The following PPP4R3A variants were observed in gnomAD, a reference collection of about 807,000 sequenced individuals.
PPP4R3A encodes the protein protein phosphatase 4 regulatory subunit 3A, also known as serine/threonine-protein phosphatase 4 regulatory subunit 3A.
PPP4R3A carries 15 observed loss-of-function variants against 91.7 expected under a neutral mutation model. The observed-to-expected ratio is 0.16, with a 90% CI of 0.11 to 0.25. The LOEUF (loss-of-function observed/expected upper bound fraction) is 0.25. Ranked by LOEUF, PPP4R3A falls within the 10% of genes least tolerant of loss-of-function variation. The pLI, the probability that PPP4R3A is intolerant of heterozygous loss-of-function variation, is 1.00. For missense variants in PPP4R3A, 623 were observed against 998.4 expected (o/e 0.62, Z 5.07); for synonymous variants, 377 against 348.7 (o/e 1.08, Z -0.91).
At chr14:91,476,573 T>C (rs779754267) in intron 5 of PPP4R3A, 49 bp from the exon 6 acceptor site, 51 of 1,322,132 alleles carry the variant, frequency 3.9e-5, no homozygotes, top group Non-Finnish European at 5.2e-5. Context: ...ATTTTATTTA[T>C]TTATTTATTG....
intron 1 of PPP4R3A, among the ~76,000 whole-genome samples, chr14:91,498,721 T>C (rs1042241148): frequency 6.6e-6 from 1 of 151,662 alleles, no homozygotes; most frequent in Admixed American, 6.6e-5. Context: ...GAGACCATCC[T>C]GGCTAACACG....
intron 12 of PPP4R3A, 28 bp from the exon 13 acceptor site, chr14:91,462,267 C>A (rs765539829): frequency 1.3e-6 from 2 of 1,533,128 alleles, no homozygotes; most frequent in South Asian, 2.6e-5. Context: ...AGAGTAAATA[C>A]AATCATATAT....
Position 91,509,471 on chromosome 14 carries a change from G to A in PPP4R3A, c.142+35C>T, listed in dbSNP as rs1480365531. On this transcript the variant is annotated intron_variant, in intron 1 of 14. Transcript: ENST00000554943. ...AGGGAGGCGGCCCAGGGCCGTGGGGGCTGCGAGGGTCCCGCCGCGCGGGGC... is the reference window on the plus strand; with the variant it reads ...AGGGAGGCGGCCCAGGGCCGTGGGGACTGCGAGGGTCCCGCCGCGCGGGGC... The A allele has an allele frequency of 1.9e-6, 3 of 1,556,990 alleles. No homozygotes were observed. The South Asian group carries it at 3.5e-5, about 18-fold the overall frequency.
chr14:91,458,942 GA>G, intron 14 of PPP4R3A, 73 bp from the exon 15 acceptor site: 1 of 1,478,094 alleles, frequency 6.8e-7, no homozygotes, highest in Non-Finnish European at 9.0e-7. Context: ...TCTGGCTGGA[GA>G]AAGAAAATAG....
chr14:91,461,956 C>G, intron 13 of PPP4R3A, 93 bp downstream of exon 13: 1 of 1,417,178 alleles, frequency 7.1e-7, no homozygotes, highest in Non-Finnish European at 9.2e-7. Context: ...TGCCATCACA[C>G]CTTCCAAGCA....
At chr14:91,461,243 TG>T (rs923861502) in intron 14 of PPP4R3A, 137 bp downstream of exon 14, 20 of 729,472 alleles carry the variant, frequency 2.7e-5, no homozygotes, top group South Asian at 4.2e-5. Flanking sequence ...GTTCAAGCGG[TG>T]GGGGGGACTC....
chr14:91,507,569 T>G (rs1387925794), intron 1 of PPP4R3A, among the ~76,000 whole-genome samples: 2 of 127,104 alleles, frequency 1.6e-5, no homozygotes, highest in South Asian at 2.5e-4. Context: ...ATACTATATA[T>G]TATACATACT....
chr14:91,481,896 T>A lies in PPP4R3A; in HGVS notation c.595A>T (p.Ile199Phe). 1.2e-6 allele frequency: 2 copies of A among 1,614,100 alleles called. No individual in the cohort carries two copies. Among genetic ancestry groups the A allele is most frequent in the Non-Finnish European group, 1.7e-6 (2 of 1,180,022 alleles). ...AGAGCAGTTCGATTCAAGAGAAAGATGCCTTTGATAATTTCATACAAGTGG... is the reference window on the plus strand; with the variant it reads ...AGAGCAGTTCGATTCAAGAGAAAGAAGCCTTTGATAATTTCATACAAGTGG... ...LHHLYEIIKG[I>F]FLLNRTALFE... The change falls in exon 4 of 15, where the codon ATC (isoleucine) becomes TTC (phenylalanine). Residue 199 changes from isoleucine (I) to phenylalanine (F), a missense_variant. By Grantham distance (21) the Ile-to-Phe change is conservative. Transcript: ENST00000554943.
intron 1 of PPP4R3A, among the ~76,000 whole-genome samples, 182 bp from the exon 2 acceptor site, chr14:91,490,984 C>T (rs189830858): frequency 8.6e-5 from 13 of 150,928 alleles, no homozygotes; most frequent in Admixed American, 3.3e-4. Flanking sequence ...CAGCTCACTG[C>T]AACCTCCGCC....
At position 91,476,316 on chromosome 14, in the gene PPP4R3A, T is replaced by C. The variant is rs1342149596; in HGVS notation, c.1110+92A>G. 3.1e-6 allele frequency: 3 copies of C among 976,118 alleles called. No individual in the cohort carries two copies. The African/African-American group carries it at 5.0e-5, about 16-fold the overall frequency. The allele number at this position is 976,118 out of a possible 1,614,324, so 60.5% of individuals were successfully genotyped here. A position where few individuals can be genotyped will look rare whatever the true frequency, so the allele number is the denominator to read the frequency against. On this transcript the variant is annotated intron_variant, in intron 6 of 14. Transcript: ENST00000554943. ...TGAACTACGCAGCTAATTTCAAATA[T>C]TGGCTATAATAGAATATTTGCATGT...
intron 1 of PPP4R3A, among the ~76,000 whole-genome samples, chr14:91,493,169 G>A (rs560890749): frequency 1.3e-5 from 2 of 152,182 alleles, no homozygotes; most frequent in African/African-American, 4.8e-5. Context: ...TGGGCAGATC[G>A]CTTGAGGTCA....
Position 91,501,627 on chromosome 14 carries a change from G to C in PPP4R3A, c.142+7879C>G, listed in dbSNP as rs550811396. Among the ~76,000 whole-genome samples the C allele has an allele frequency of 6.5e-4, 99 of 151,844 alleles. 2 individuals carry two copies. The South Asian group carries it at 0.021, about 32-fold the overall frequency. On this transcript the variant is annotated intron_variant, in intron 1 of 14. Coordinates refer to ENST00000554943, the MANE Select transcript of PPP4R3A (RefSeq NM_001366432.2). ...GCCCTGATCACTGCACTCCAGCCTGGACAAAAGAGTGAGATCCCGCCTCAA... is the reference window on the plus strand; with the variant it reads ...GCCCTGATCACTGCACTCCAGCCTGCACAAAAGAGTGAGATCCCGCCTCAA...
chr14:91,507,466 TTA>T (rs1891437382), intron 1 of PPP4R3A, among the ~76,000 whole-genome samples: 3 of 131,442 alleles, frequency 2.3e-5, no homozygotes, highest in Admixed American at 8.1e-5. Flanking sequence ...TATACTATAA[TTA>T]TATATACTAT....
chr14:91,506,319 G>A (rs975269709), intron 1 of PPP4R3A, among the ~76,000 whole-genome samples: 2 of 152,172 alleles, frequency 1.3e-5, no homozygotes, highest in African/African-American at 4.8e-5. Context: ...AGCAGCAAAT[G>A]CAAGTAGACA....
At chr14:91,489,944 T>TAAAA (rs1890136902) in intron 2 of PPP4R3A, among the ~76,000 whole-genome samples, 1 of 152,254 alleles carries the variant, frequency 6.6e-6, no homozygotes, top group South Asian at 2.1e-4. Flanking sequence ...ATGGGAAAAA[T>TAAAA]AAAAACAATA....
chr14:91,472,975 A>G, intron 9 of PPP4R3A, 58 bp downstream of exon 9: 1 of 1,522,146 alleles, frequency 6.6e-7, no homozygotes, highest in Non-Finnish European at 9.0e-7. Flanking sequence ...ACTTAACACC[A>G]ACTTTGAATT....
chr14:91,488,610 A>G (rs532593285), intron 2 of PPP4R3A, among the ~76,000 whole-genome samples: 1 of 152,342 alleles, frequency 6.6e-6, no homozygotes, highest in South Asian at 2.1e-4. Context: ...CAGTTAATCT[A>G]TAATTCTGGC....
intron 1 of PPP4R3A, among the ~76,000 whole-genome samples, chr14:91,500,726 T>C (rs1890896089): frequency 6.6e-6 from 1 of 152,148 alleles, no homozygotes; most frequent in African/African-American, 2.4e-5. Flanking sequence ...TACTGACTTT[T>C]AAAACTTATG....
intron 4 of PPP4R3A, 68 bp from the exon 5 acceptor site, chr14:91,477,054 G>A: frequency 1.6e-6 from 2 of 1,228,046 alleles, no homozygotes; most frequent in East Asian, 2.6e-5. Flanking sequence ...TTTCAGGAAT[G>A]CTTTAATATA....
Sources: gnomAD v4.1 joint callset for allele counts (sites outside exome capture counted in the v4.1 genomes callset) on GRCh38, gnomAD v4.1.1 for gene constraint, MANE v1.5 for transcripts, NCBI Gene and HGNC (gene_info 2026-07-23, HGNC 2026-07-21) for gene names.